ALCAM: variants seen among roughly 807,000 people sequenced by gnomAD.
The protein encoded by ALCAM is CD166 antigen.
A neutral mutation model predicts 70.9 loss-of-function variants in ALCAM; 30 were observed. The observed-to-expected ratio is 0.42, with a 90% CI of 0.32 to 0.57. The LOEUF (loss-of-function observed/expected upper bound fraction) is 0.57, where lower values mean the gene tolerates loss of function less well. ALCAM is among the 20% of genes least tolerant of loss of function. The pLI is 0.11. For synonymous variants in ALCAM, 249 were observed against 242.5 expected, an observed-to-expected ratio of 1.03 and a Z score of -0.25; for missense variants, 591 against 695.1, an observed-to-expected ratio of 0.85 and a Z score of 1.68.
rs753306688 is a variant in ALCAM, at chr3:105,533,553, G to A, written c.460-50G>A. 13 of 1,528,804 alleles carry A rather than the reference G, an allele frequency of 8.5e-6. No homozygotes were observed. The East Asian group carries it at 3.0e-4, about 35-fold the overall frequency. 94.7% of individuals were successfully genotyped at this position (1,528,804 alleles called of 1,614,324 possible). A position where few individuals can be genotyped will look rare whatever the true frequency, so the allele number is the denominator to read the frequency against. On this transcript the variant is annotated intron_variant, in intron 4 of 15. Transcript: ENST00000306107. ...CCTGAGTTTCTGGAGTTTCCAAATT[G>A]ACAGCCCCTGATTGAACCAAGGTAA...
chr3:105,478,648 AT>A (rs1400687263), intron 1 of ALCAM, among the ~76,000 whole-genome samples: 2 of 152,078 alleles, frequency 1.3e-5, no homozygotes, highest in African/African-American at 4.8e-5. Context: ...AAATTTTTTC[AT>A]GTGTTATAGT....
intron 1 of ALCAM, among the ~76,000 whole-genome samples, chr3:105,374,036 G>A (rs764625824): frequency 3.9e-5 from 6 of 152,312 alleles, no homozygotes; most frequent in East Asian, 1.9e-4. Context: ...ATGTATATTC[G>A]TAAAGGACCT....
intron 1 of ALCAM, among the ~76,000 whole-genome samples, chr3:105,405,693 A>G (rs1936210621): frequency 6.6e-6 from 1 of 152,198 alleles, no homozygotes; most frequent in Non-Finnish European, 1.5e-5. Flanking sequence ...AACCAAAATT[A>G]TATCATGTAC....
chr3:105,495,704 G>A (rs1938717779), intron 1 of ALCAM, among the ~76,000 whole-genome samples: 1 of 152,062 alleles, frequency 6.6e-6, no homozygotes, highest in Non-Finnish European at 1.5e-5. Flanking sequence ...TCTAAAATTA[G>A]CAAACAAGAT....
intron 1 of ALCAM, among the ~76,000 whole-genome samples, chr3:105,483,878 T>C (rs1270902228): frequency 6.6e-6 from 1 of 152,108 alleles, no homozygotes; most frequent in East Asian, 1.9e-4. Context: ...GTTTGCTACG[T>C]ATAGAATACC....
chr3:105,571,835 AT>A lies in ALCAM; in HGVS notation c.1665-14del. 1 of 1,561,094 alleles carries A rather than the reference AT, an allele frequency of 6.4e-7. No individual in the cohort carries two copies. Among genetic ancestry groups the A allele is most frequent in the Non-Finnish European group, 8.8e-7 (1 of 1,139,224 alleles). Reference sequence around the variant, plus strand: ...TGTATGTGTCAATATGATGAAGTTTATTTAATTCTCTTACAGGACTGCATCA... The same window carrying A: ...TGTATGTGTCAATATGATGAAGTTTATTAATTCTCTTACAGGACTGCATCA... On this transcript the variant is annotated splice_polypyrimidine_tract_variant and intron_variant, in intron 14 of 15. Coordinates refer to ENST00000306107, the MANE Select transcript of ALCAM (RefSeq NM_001627.4).
At chr3:105,557,568 A>G (rs1039809588) in intron 14 of ALCAM, among the ~76,000 whole-genome samples, 1 of 152,154 alleles carries the variant, frequency 6.6e-6, no homozygotes, top group East Asian at 1.9e-4. Context: ...ATATTTTCCA[A>G]AGGCTAAGGA....
At chr3:105,512,854 A>T (rs1480087923) in intron 1 of ALCAM, among the ~76,000 whole-genome samples, 1 of 151,952 alleles carries the variant, frequency 6.6e-6, no homozygotes, top group East Asian at 1.9e-4. Context: ...AATTAGAAGT[A>T]TAATAGTAGG....
chr3:105,459,879 A>G (rs756979423), intron 1 of ALCAM, among the ~76,000 whole-genome samples: 54 of 152,220 alleles, frequency 3.5e-4, no homozygotes, highest in Middle Eastern at 3.4e-3. Flanking sequence ...TAATAGACTA[A>G]TTAGACTTGC....
intron 9 of ALCAM, among the ~76,000 whole-genome samples, chr3:105,546,677 T>G (rs1940255540): frequency 6.6e-6 from 1 of 151,470 alleles, no homozygotes. Context: ...TTAACTGTCA[T>G]GAACAGCTCA....
rs1279379202 is a variant in ALCAM, at chr3:105,426,047, C to T, written c.73+58566C>T. Among the ~76,000 whole-genome samples the T allele has an allele frequency of 2.0e-5, 3 of 151,678 alleles. No homozygotes were observed. In the East Asian group the frequency reaches 5.8e-4, roughly 29 times the overall value. ...CAGCAAAACTAAGCTTTATTTTTCC[C>T]ATTTTGTCTAGTCTATGTTTCACAT... On this transcript the variant is annotated intron_variant, in intron 1 of 15. Coordinates refer to ENST00000306107, the MANE Select transcript of ALCAM (RefSeq NM_001627.4).
chr3:105,494,727 A>G (rs1400446088), intron 1 of ALCAM, among the ~76,000 whole-genome samples: 1 of 151,128 alleles, frequency 6.6e-6, no homozygotes, highest in Non-Finnish European at 1.5e-5. Flanking sequence ...CGTCACGATC[A>G]TAGCCTACGA....
At position 105,395,136 on chromosome 3, in the gene ALCAM, C is replaced by T. The variant is rs552012666; in HGVS notation, c.73+27655C>T. ...ATGATTTGACTTTTCATCAAATGAC[C>T]GCCCTGCCAACTTATTAACAAAGGA... On this transcript the variant is annotated intron_variant, in intron 1 of 15. Coordinates refer to ENST00000306107, the MANE Select transcript of ALCAM (RefSeq NM_001627.4). Among the ~76,000 whole-genome samples the T allele has an allele frequency of 1.4e-4, 21 of 151,830 alleles. 1 individual carries two copies. The South Asian group carries it at 2.9e-3, about 21-fold the overall frequency.
Position 105,545,330 on chromosome 3 carries a change from A to G in ALCAM, c.1099A>G (p.Met367Val). The change falls in exon 9 of 16, where the codon ATG becomes GTG. Residue 367 changes from methionine to valine, a missense_variant. By Grantham distance (21) the Met-to-Val change is conservative. Coordinates refer to ENST00000306107, the MANE Select transcript of ALCAM (RefSeq NM_001627.4). ...SASRNATVVW[M>V]KDNIRLRSSP... ...TAGCAGGAATGCAACTGTGGTATGG[A>G]TGAAAGTAAGTAATATTTTTGGTAC... 1.2e-6 allele frequency: 2 copies of G among 1,604,282 alleles called. No homozygotes were observed. Among genetic ancestry groups the G allele is most frequent in the Non-Finnish European group, 1.7e-6 (2 of 1,172,356 alleles).
intron 1 of ALCAM, among the ~76,000 whole-genome samples, chr3:105,393,997 T>C (rs1935887160): frequency 6.6e-6 from 1 of 151,930 alleles, no homozygotes; most frequent in African/African-American, 2.4e-5. Context: ...ATCAAAATAC[T>C]GTTATTTTGT....
chr3:105,545,115 C>A, intron 8 of ALCAM, 108 bp from the exon 9 acceptor site: 1 of 757,042 alleles, frequency 1.3e-6, no homozygotes, highest in Non-Finnish European at 2.3e-6. Context: ...TCTGAATGTT[C>A]AAATGCAGTT....
intron 1 of ALCAM, among the ~76,000 whole-genome samples, chr3:105,437,656 G>T (rs555957210): frequency 6.6e-6 from 1 of 151,960 alleles, no homozygotes; most frequent in Non-Finnish European, 1.5e-5. Flanking sequence ...TAGGATAATA[G>T]CTTCTTCCTC....
intron 1 of ALCAM, among the ~76,000 whole-genome samples, chr3:105,446,911 A>G (rs1438037756): frequency 2.6e-5 from 4 of 152,180 alleles, no homozygotes; most frequent in Non-Finnish European, 5.9e-5. Context: ...AGTCACAGTT[A>G]GATAGGAAGA....
Position 105,482,002 on chromosome 3 carries a change from C to A in ALCAM, c.74-38065C>A, listed in dbSNP as rs568821065. ...AAGTATTATTTAACAGATTTCGTAGCCGTAGACTAATTAACCCTAAAAAGA... is the reference window on the plus strand; with the variant it reads ...AAGTATTATTTAACAGATTTCGTAGACGTAGACTAATTAACCCTAAAAAGA... On this transcript the variant is annotated intron_variant, in intron 1 of 15. Transcript: ENST00000306107. Among the ~76,000 whole-genome samples, 357 of 148,920 alleles carry A rather than the reference C, an allele frequency of 2.4e-3. 4 individuals carry two copies. The highest frequency in any genetic ancestry group is 8.2e-3 in the African/African-American group (335 of 40,950).
Sources: gnomAD v4.1 joint callset for allele counts (sites outside exome capture counted in the v4.1 genomes callset) on GRCh38, gnomAD v4.1.1 for gene constraint, MANE v1.5 for transcripts, NCBI Gene and HGNC (gene_info 2026-07-23, HGNC 2026-07-21) for gene names.